Variants in TENM3 observed in about 807,000 individuals in gnomAD.
TENM3 encodes the protein teneurin-3.
TENM3 carries 63 observed loss-of-function variants against 255.1 expected under a neutral mutation model. The observed-to-expected ratio is 0.25, with a 90% CI of 0.20 to 0.30. The LOEUF (loss-of-function observed/expected upper bound fraction) is 0.30. TENM3 is among the 10% of genes least tolerant of loss of function. The pLI, the probability that TENM3 is intolerant of heterozygous loss-of-function variation, is 1.00. For missense variants in TENM3, 2,929 were observed against 3,461.1 expected, an observed-to-expected ratio of 0.85 and a Z score of 3.86; for synonymous variants, 1,306 against 1,322.3, an observed-to-expected ratio of 0.99 and a Z score of 0.27.
At chr4:181,818,712 T>C in the TENM3 span, among the ~76,000 whole-genome samples, 1 of 151,594 alleles carries the variant, frequency 6.6e-6, no homozygotes, top group African/African-American at 2.4e-5. Flanking sequence ...CAGGTTCAAG[T>C]GATTCTCGTG....
At chr4:181,559,836 C>T in the TENM3 span, among the ~76,000 whole-genome samples, 2 of 152,162 alleles carry the variant, frequency 1.3e-5, no homozygotes, top group African/African-American at 4.8e-5. Context: ...TGCCTAGGGG[C>T]ATTGAGAAAC....
the TENM3 span, among the ~76,000 whole-genome samples, chr4:181,476,487 C>A: frequency 0.054 from 8,289 of 152,148 alleles, 341 homozygotes; most frequent in Non-Finnish European, 0.086. Context: ...GGCTTTGACC[C>A]TGAAAGTAGC....
the TENM3 span, among the ~76,000 whole-genome samples, chr4:181,712,499 T>C: frequency 2.6e-5 from 4 of 152,180 alleles, 1 homozygote; most frequent in South Asian, 6.2e-4. Context: ...CCGATGCCAG[T>C]ATCATGCTTC....
chr4:182,545,626 A>G (rs766322963), intron 3 of TENM3, among the ~76,000 whole-genome samples: 3 of 151,790 alleles, frequency 2.0e-5, no homozygotes, highest in Non-Finnish European at 4.4e-5. Flanking sequence ...AACGTGCCAC[A>G]GTCTCCCTCC....
the TENM3 span, among the ~76,000 whole-genome samples, chr4:181,570,909 A>T: frequency 1.3e-5 from 2 of 152,224 alleles, no homozygotes; most frequent in African/African-American, 4.8e-5. Context: ...AAATGGGGGA[A>T]GGCAGGAGCA....
intron 1 of TENM3, among the ~76,000 whole-genome samples, chr4:182,180,083 A>G (rs571636707): frequency 2.0e-5 from 3 of 152,204 alleles, no homozygotes; most frequent in Non-Finnish European, 4.4e-5. Flanking sequence ...CACATGCACT[A>G]GAAATTTAAA....
At chr4:182,435,963 T>A (rs1379099100) in intron 3 of TENM3, among the ~76,000 whole-genome samples, 1 of 152,164 alleles carries the variant, frequency 6.6e-6, no homozygotes, top group Non-Finnish European at 1.5e-5. Context: ...AAATGGCATA[T>A]TATAAATATT....
At chr4:181,770,697 A>AG in the TENM3 span, among the ~76,000 whole-genome samples, 5 of 139,678 alleles carry the variant, frequency 3.6e-5, no homozygotes, top group African/African-American at 1.1e-4. Context: ...AAAAAAAAAA[A>AG]GAGTGAGGAA....
chr4:182,013,838 AATT>A, the TENM3 span, among the ~76,000 whole-genome samples: 1 of 151,138 alleles, frequency 6.6e-6, no homozygotes, highest in Admixed American at 6.6e-5. Context: ...ATAGAACTAT[AATT>A]ATTATGTATA....
chr4:181,625,089 T>C, the TENM3 span, among the ~76,000 whole-genome samples: 1 of 152,144 alleles, frequency 6.6e-6, no homozygotes, highest in Non-Finnish European at 1.5e-5. Context: ...ACAGGGCCCA[T>C]CCTGTTCAAG....
chr4:182,396,233 G>A (rs1768799248), intron 3 of TENM3, among the ~76,000 whole-genome samples: 1 of 152,116 alleles, frequency 6.6e-6, no homozygotes, highest in South Asian at 2.1e-4. Flanking sequence ...CTTCCAGGCT[G>A]CCCCTGTCTT....
At chr4:182,702,302 T>A (rs1486528820) in intron 12 of TENM3, among the ~76,000 whole-genome samples, 1 of 152,164 alleles carries the variant, frequency 6.6e-6, no homozygotes, top group Non-Finnish European at 1.5e-5. Context: ...TAAAGAATGT[T>A]CTCAGCAAAA....
chr4:181,810,153 T>C, the TENM3 span, among the ~76,000 whole-genome samples: 1 of 152,192 alleles, frequency 6.6e-6, no homozygotes, highest in African/African-American at 2.4e-5. Flanking sequence ...GATCCAGGAC[T>C]GTGCACTGTG....
chr4:182,482,710 T>G (rs1734316851), intron 3 of TENM3, among the ~76,000 whole-genome samples: 1 of 152,206 alleles, frequency 6.6e-6, no homozygotes, highest in Non-Finnish European at 1.5e-5. Context: ...CCTGCATTAT[T>G]TGAGATGTAT....
the TENM3 span, among the ~76,000 whole-genome samples, chr4:181,831,972 GTGT>G: frequency 4.1e-5 from 2 of 49,040 alleles, no homozygotes; most frequent in Non-Finnish European, 9.0e-5. Flanking sequence ...ATTACATTGT[GTGT>G]GTGTGTGTGT....
chr4:181,755,521 T>C, the TENM3 span, among the ~76,000 whole-genome samples: 1 of 152,150 alleles, frequency 6.6e-6, no homozygotes, highest in East Asian at 1.9e-4. Context: ...GTACACATAC[T>C]GTGCTAGATG....
chr4:182,004,198 T>C, the TENM3 span, among the ~76,000 whole-genome samples: 27 of 152,092 alleles, frequency 1.8e-4, no homozygotes, highest in African/African-American at 6.5e-4. Flanking sequence ...ATTGACACGT[T>C]CTTTAATTTC....
chr4:181,700,644 A>G, the TENM3 span, among the ~76,000 whole-genome samples: 3 of 152,162 alleles, frequency 2.0e-5, no homozygotes, highest in East Asian at 5.8e-4. Flanking sequence ...TTTGTGACCT[A>G]CCTCTACTCC....
chr4:182,741,026 A>G (rs1239069690), intron 18 of TENM3, among the ~76,000 whole-genome samples: 1 of 152,054 alleles, frequency 6.6e-6, no homozygotes, highest in Non-Finnish European at 1.5e-5. Context: ...AAATACAAAA[A>G]TTAGCCAGGC....
Sources: gnomAD v4.1 joint callset for allele counts (sites outside exome capture counted in the v4.1 genomes callset) on GRCh38, gnomAD v4.1.1 for gene constraint, MANE v1.5 for transcripts, NCBI Gene and HGNC (gene_info 2026-07-23, HGNC 2026-07-21) for gene names.